The following SLC4A10 variants were observed in gnomAD, a reference collection of about 807,000 sequenced individuals.
SLC4A10 encodes solute carrier family 4 member 10.
SLC4A10 carries 42 observed loss-of-function variants against 137.7 expected under a neutral mutation model. That is an observed-to-expected ratio of 0.30 (90% confidence interval 0.24 to 0.39). SLC4A10 has a LOEUF of 0.39. Among genes scored for constraint, SLC4A10 ranks in the 10% least tolerant of loss-of-function variants. The pLI, the probability that SLC4A10 is intolerant of heterozygous loss-of-function variation, is 1.00. For synonymous variants in SLC4A10, 474 were observed against 464.1 expected, an observed-to-expected ratio of 1.02 and a Z score of -0.27; for missense variants, 925 against 1,355.0, an observed-to-expected ratio of 0.68 and a Z score of 4.98.
chr2:161,666,065 A>G (rs1056934170), intron 1 of SLC4A10, among the ~76,000 whole-genome samples: 1 of 151,166 alleles, frequency 6.6e-6, no homozygotes, highest in Non-Finnish European at 1.5e-5. Context: ...GTGAACATAT[A>G]TATTCTCAGG....
At chr2:161,921,844 C>T (rs1018525782) in intron 15 of SLC4A10, among the ~76,000 whole-genome samples, 17 of 152,072 alleles carry the variant, frequency 1.1e-4, no homozygotes, top group Non-Finnish European at 5.9e-5. Context: ...CAAATGATTG[C>T]GATGATTATA....
At chr2:161,654,150 C>T (rs1022499769) in intron 1 of SLC4A10, among the ~76,000 whole-genome samples, 3 of 152,190 alleles carry the variant, frequency 2.0e-5, no homozygotes, top group Non-Finnish European at 4.4e-5. Context: ...ACCGTCTTTT[C>T]ATATAACACT....
At chr2:161,901,844 A>C (rs1683183137) in intron 12 of SLC4A10, among the ~76,000 whole-genome samples, 1 of 152,114 alleles carries the variant, frequency 6.6e-6, no homozygotes, top group African/African-American at 2.4e-5. Flanking sequence ...GAGATGGTTC[A>C]AACAATTTTT....
chr2:161,664,576 T>C (rs2038827145), intron 1 of SLC4A10, among the ~76,000 whole-genome samples: 1 of 151,908 alleles, frequency 6.6e-6, no homozygotes, highest in Non-Finnish European at 1.5e-5. Flanking sequence ...GATATTTAGT[T>C]CATATTTGAA....
At chr2:161,782,256 T>A (rs936056474) in intron 2 of SLC4A10, among the ~76,000 whole-genome samples, 6 of 152,024 alleles carry the variant, frequency 3.9e-5, no homozygotes, top group Admixed American at 2.0e-4. Context: ...CCTGGTGCAC[T>A]CACAAGACCT....
intron 1 of SLC4A10, among the ~76,000 whole-genome samples, chr2:161,747,954 A>G (rs369998228): frequency 1.3e-5 from 2 of 152,036 alleles, no homozygotes; most frequent in African/African-American, 4.8e-5. Context: ...CCTCACCAAC[A>G]TTTACCTTAT....
chr2:161,715,384 G>A (rs968495217), intron 1 of SLC4A10, among the ~76,000 whole-genome samples: 2 of 152,012 alleles, frequency 1.3e-5, no homozygotes, highest in East Asian at 1.9e-4. Context: ...TGCAGGATAC[G>A]CAGGTCTGTT....
At chr2:161,653,122 T>G (rs923956947) in intron 1 of SLC4A10, among the ~76,000 whole-genome samples, 3 of 152,154 alleles carry the variant, frequency 2.0e-5, no homozygotes, top group African/African-American at 7.2e-5. Context: ...TGTTCCTGTG[T>G]TAGTATGCCG....
chr2:161,908,544 A>G (rs1389939046), intron 15 of SLC4A10, among the ~76,000 whole-genome samples: 6 of 150,842 alleles, frequency 4.0e-5, no homozygotes, highest in Non-Finnish European at 7.4e-5. Context: ...TATGTAACAA[A>G]CCTGCACGTT....
intron 3 of SLC4A10, among the ~76,000 whole-genome samples, chr2:161,823,635 G>T (rs61298089): frequency 0.02 from 2,984 of 152,306 alleles, 63 homozygotes; most frequent in African/African-American, 0.056. Context: ...GCAGATTGAG[G>T]TTTGCAGCAG....
intron 1 of SLC4A10, among the ~76,000 whole-genome samples, chr2:161,711,928 T>G (rs2044334456): frequency 6.6e-6 from 1 of 151,814 alleles, no homozygotes; most frequent in African/African-American, 2.4e-5. Flanking sequence ...CTGACATATA[T>G]CAAACATATT....
At chr2:161,836,601 G>GAAAGA (rs1559359829) in intron 3 of SLC4A10, among the ~76,000 whole-genome samples, 2 of 23,992 alleles carry the variant, frequency 8.3e-5, no homozygotes, top group Non-Finnish European at 2.3e-4. Flanking sequence ...AGAAAGAAAG[G>GAAAGA]AAGGAAGGAA....
At chr2:161,792,925 A>G (rs1215172597) in intron 2 of SLC4A10, among the ~76,000 whole-genome samples, 3 of 152,152 alleles carry the variant, frequency 2.0e-5, no homozygotes, top group Admixed American at 1.3e-4. Flanking sequence ...ATCAATTGAT[A>G]TAAATACTGA....
intron 15 of SLC4A10, among the ~76,000 whole-genome samples, chr2:161,924,932 G>A (rs899349785): frequency 1.2e-4 from 19 of 152,270 alleles, no homozygotes; most frequent in African/African-American, 4.6e-4. Context: ...TGGACAGTGG[G>A]GCTGAGGAAA....
intron 5 of SLC4A10, among the ~76,000 whole-genome samples, chr2:161,860,403 C>T (rs2060370702): frequency 6.6e-6 from 1 of 152,054 alleles, no homozygotes; most frequent in African/African-American, 2.4e-5. Context: ...TATGTGATTA[C>T]TTTTGATTCT....
intron 1 of SLC4A10, among the ~76,000 whole-genome samples, chr2:161,650,456 G>A (rs1260140514): frequency 6.6e-6 from 1 of 152,228 alleles, no homozygotes; most frequent in Non-Finnish European, 1.5e-5. Flanking sequence ...GCCAGCGGGG[G>A]CTGGGAGCAG....
chr2:161,859,752 C>T (rs1001600572), intron 5 of SLC4A10, among the ~76,000 whole-genome samples: 1 of 151,908 alleles, frequency 6.6e-6, no homozygotes, highest in African/African-American at 2.4e-5. Context: ...AGGCGCCCGC[C>T]ACCACGCCCG....
intron 5 of SLC4A10, among the ~76,000 whole-genome samples, chr2:161,860,266 T>C (rs2060361095): frequency 6.6e-6 from 1 of 152,238 alleles, no homozygotes; most frequent in Non-Finnish European, 1.5e-5. Flanking sequence ...TTTACATAAC[T>C]GTTTCAAATA....
rs1168985260 is a variant in SLC4A10 at position 161,863,706 on chromosome 2, C to CTATGATTTATGCTTCAGACTA, written c.766+646_766+666dup. ...CCATTGTTTCCTAGCAATCAACTTA[C>CTATGATTTATGCTTCAGACTA]TATGATTTATGCTTCAGACTATTTT... On this transcript the variant is annotated intron_variant, in intron 6 of 26. Coordinates refer to ENST00000446997, the MANE Select transcript of SLC4A10 (RefSeq NM_001178015.2). Among the ~76,000 whole-genome samples the CTATGATTTATGCTTCAGACTA allele has an allele frequency of 2.6e-5, 4 of 152,144 alleles. No homozygotes were observed. In the East Asian group the frequency reaches 7.7e-4, roughly 29 times the overall value.
Sources: allele counts gnomAD v4.1 joint callset (sites outside exome capture counted in the v4.1 genomes callset), GRCh38; gene constraint gnomAD v4.1.1; transcripts MANE v1.5; gene names NCBI Gene and HGNC (gene_info 2026-07-23, HGNC 2026-07-21).